Variants in CNTN5 observed in about 807,000 individuals in gnomAD.
CNTN5 encodes contactin 5.
In CNTN5, 77 loss-of-function variants were observed where a neutral mutation model predicts 129.1. The observed-to-expected ratio is 0.60, with a 90% CI of 0.50 to 0.72. The LOEUF (loss-of-function observed/expected upper bound fraction) is 0.72, where lower values mean the gene tolerates loss of function less well. Among genes scored for constraint, CNTN5 ranks in the 30% least tolerant of loss-of-function variants. The pLI is 0.00. For synonymous variants in CNTN5, 509 were observed against 465.6 expected (o/e 1.09, Z -1.20); for missense variants, 1,478 against 1,328.8 (o/e 1.11, Z -1.75).
intron 2 of CNTN5, among the ~76,000 whole-genome samples, chr11:99,497,409 C>T (rs1367853209): frequency 6.6e-6 from 1 of 151,982 alleles, no homozygotes; most frequent in Non-Finnish European, 1.5e-5. Flanking sequence ...GAAAAATGCT[C>T]ACAGCTGAAG....
chr11:99,969,814 T>A (rs17134791), intron 8 of CNTN5, among the ~76,000 whole-genome samples: 2 of 152,146 alleles, frequency 1.3e-5, no homozygotes. Flanking sequence ...GTGTGTCTTA[T>A]TTGCACTTGG....
intron 7 of CNTN5, among the ~76,000 whole-genome samples, chr11:99,942,450 C>A (rs2136116225): frequency 6.6e-6 from 1 of 152,052 alleles, no homozygotes; most frequent in South Asian, 2.1e-4. Context: ...GTGTTGTAAG[C>A]AAACTGGTGC....
intron 3 of CNTN5, among the ~76,000 whole-genome samples, chr11:99,749,193 A>C (rs911975500): frequency 6.6e-6 from 1 of 152,214 alleles, no homozygotes; most frequent in African/African-American, 2.4e-5. Context: ...TTGCATTCCA[A>C]AATCTAAAAT....
chr11:100,152,114 A>G (rs1333872234), intron 13 of CNTN5, among the ~76,000 whole-genome samples: 1 of 152,082 alleles, frequency 6.6e-6, no homozygotes, highest in Non-Finnish European at 1.5e-5. Flanking sequence ...CCAGACTTCC[A>G]CCACCCTGTG....
intron 3 of CNTN5, among the ~76,000 whole-genome samples, chr11:99,748,634 T>A (rs1944135902): frequency 6.6e-6 from 1 of 151,998 alleles, no homozygotes; most frequent in Non-Finnish European, 1.5e-5. Context: ...AGAACTTGAG[T>A]GGGGTGGAGT....
chr11:99,502,389 C>G (rs528180828), intron 2 of CNTN5, among the ~76,000 whole-genome samples: 2 of 152,038 alleles, frequency 1.3e-5, no homozygotes, highest in Non-Finnish European at 2.9e-5. Flanking sequence ...AAGGGAGGGA[C>G]GAGATGGAGG....
chr11:99,844,418 A>G (rs1947614118), intron 4 of CNTN5, among the ~76,000 whole-genome samples: 1 of 152,156 alleles, frequency 6.6e-6, no homozygotes, highest in Admixed American at 6.5e-5. Context: ...GAGGACTAAT[A>G]TTTTCATACC....
At chr11:99,119,210 G>A (rs372220884) in intron 1 of CNTN5, among the ~76,000 whole-genome samples, 1 of 152,072 alleles carries the variant, frequency 6.6e-6, no homozygotes, top group East Asian at 1.9e-4. Flanking sequence ...CCCAAGCCAT[G>A]GGGTTTTGTT....
intron 1 of CNTN5, among the ~76,000 whole-genome samples, chr11:99,297,041 C>G (rs536688838): frequency 6.6e-6 from 1 of 152,180 alleles, no homozygotes; most frequent in African/African-American, 2.4e-5. Flanking sequence ...TCTCTATTGT[C>G]CTTCCCAGAA....
chr11:100,261,307 C>G (rs779962179), intron 17 of CNTN5, among the ~76,000 whole-genome samples: 1 of 152,086 alleles, frequency 6.6e-6, no homozygotes, highest in East Asian at 1.9e-4. Context: ...AGGACACAAA[C>G]AAATGGAAAA....
chr11:99,525,633 G>A (rs1336960456), intron 2 of CNTN5, among the ~76,000 whole-genome samples: 1 of 152,200 alleles, frequency 6.6e-6, no homozygotes, highest in Non-Finnish European at 1.5e-5. Flanking sequence ...ATAGCTGCAA[G>A]CTACAAAAGT....
chr11:99,315,935 G>A (rs749062086), intron 1 of CNTN5, among the ~76,000 whole-genome samples: 1 of 130,562 alleles, frequency 7.7e-6, no homozygotes, highest in Non-Finnish European at 1.8e-5. Context: ...ATAGAATGAC[G>A]CAAATTATAG....
chr11:99,614,498 C>G (rs927748286), intron 3 of CNTN5, among the ~76,000 whole-genome samples: 4 of 152,134 alleles, frequency 2.6e-5, no homozygotes, highest in African/African-American at 7.2e-5. Context: ...ATCACATACA[C>G]CCTTTGGCTG....
intron 1 of CNTN5, among the ~76,000 whole-genome samples, chr11:99,082,049 T>C (rs779035946): frequency 6.6e-6 from 1 of 152,212 alleles, no homozygotes; most frequent in South Asian, 2.1e-4. Context: ...CATTTCTGTA[T>C]GTAGATGCTT....
intron 1 of CNTN5, among the ~76,000 whole-genome samples, chr11:99,186,929 G>A (rs1858384855): frequency 6.6e-6 from 1 of 151,958 alleles, no homozygotes; most frequent in Non-Finnish European, 1.5e-5. Flanking sequence ...GGGCAAAGTA[G>A]ATAGAGAAAT....
intron 3 of CNTN5, among the ~76,000 whole-genome samples, chr11:99,817,505 C>A (rs904289422): frequency 2.0e-5 from 3 of 149,814 alleles, no homozygotes; most frequent in Non-Finnish European, 4.4e-5. Flanking sequence ...TTCTACTTTT[C>A]AAGTTTTTCA....
At chr11:100,344,420 C>T (rs1952234463) in intron 23 of CNTN5, among the ~76,000 whole-genome samples, 1 of 152,038 alleles carries the variant, frequency 6.6e-6, no homozygotes, top group Admixed American at 6.6e-5. Context: ...ACAGGATAGA[C>T]ATTCTGAAAA....
At chr11:100,049,083 G>T (rs780828087) in intron 9 of CNTN5, among the ~76,000 whole-genome samples, 1 of 152,074 alleles carries the variant, frequency 6.6e-6, no homozygotes, top group Non-Finnish European at 1.5e-5. Context: ...TATTTAGATT[G>T]CAGGAAATGT....
At chr11:100,054,340 T>G (rs1943110476) in intron 9 of CNTN5, among the ~76,000 whole-genome samples, 1 of 151,790 alleles carries the variant, frequency 6.6e-6, no homozygotes, top group Non-Finnish European at 1.5e-5. Context: ...GTTTTTCAAT[T>G]AATCTGCTAT....
Sources: allele counts gnomAD v4.1 joint callset (sites outside exome capture counted in the v4.1 genomes callset), GRCh38; gene constraint gnomAD v4.1.1; transcripts MANE v1.5; gene names NCBI Gene and HGNC (gene_info 2026-07-23, HGNC 2026-07-21).